GAD2: variants seen among roughly 807,000 people sequenced by gnomAD.
GAD2 encodes the protein 65 kDa glutamic acid decarboxylase.
Under a neutral mutation model 80.1 loss-of-function variants are expected in GAD2, and 22 were observed. The observed-to-expected ratio is 0.27, with a 90% confidence interval of 0.20 to 0.39. The LOEUF (loss-of-function observed/expected upper bound fraction) is 0.39. Ranked by LOEUF, GAD2 falls within the 10% of genes least tolerant of loss-of-function variation. The pLI is 1.00. For missense variants in GAD2, 624 were observed against 738.4 expected (o/e 0.85, Z 1.80); for synonymous variants, 274 against 256.9 (o/e 1.07, Z -0.64).
chr10:26,222,644 G>T (rs1844467827), intron 4 of GAD2, among the ~76,000 whole-genome samples: 1 of 152,186 alleles, frequency 6.6e-6, no homozygotes, highest in Non-Finnish European at 1.5e-5. Flanking sequence ...AAACAATGCT[G>T]GAGAATGTAC....
chr10:26,284,762 G>A (rs1845312381), intron 12 of GAD2, among the ~76,000 whole-genome samples: 1 of 151,816 alleles, frequency 6.6e-6, no homozygotes, highest in South Asian at 2.1e-4. Flanking sequence ...GTAGAGATGG[G>A]GTTTCACCGT....
intron 15 of GAD2, among the ~76,000 whole-genome samples, chr10:26,300,186 T>A (rs760834301): frequency 3.9e-5 from 6 of 152,352 alleles, no homozygotes; most frequent in Non-Finnish European, 8.8e-5. Flanking sequence ...CTATCCTGTC[T>A]GTGATATGAA....
chr10:26,242,603 C>T (rs1174639738), intron 7 of GAD2, among the ~76,000 whole-genome samples: 1 of 152,138 alleles, frequency 6.6e-6, no homozygotes, highest in Non-Finnish European at 1.5e-5. Context: ...TATTTCTCTG[C>T]TCCCTTTCCT....
At chr10:26,240,430 A>G (rs1040678918) in intron 7 of GAD2, among the ~76,000 whole-genome samples, 2 of 152,206 alleles carry the variant, frequency 1.3e-5, no homozygotes, top group African/African-American at 2.4e-5. Flanking sequence ...AAGCTGAATC[A>G]TGTAACCTGT....
intron 8 of GAD2, among the ~76,000 whole-genome samples, chr10:26,253,975 G>A (rs978890011): frequency 2.0e-5 from 3 of 152,180 alleles, no homozygotes; most frequent in Non-Finnish European, 4.4e-5. Flanking sequence ...GGATGAAACT[G>A]TTCCACCTCA....
At chr10:26,256,058 T>C (rs1473525573) in intron 8 of GAD2, among the ~76,000 whole-genome samples, 2 of 152,160 alleles carry the variant, frequency 1.3e-5, no homozygotes, top group Non-Finnish European at 2.9e-5. Flanking sequence ...ATTATTAAAA[T>C]AATTTCAAAT....
rs1031660811 is a variant in GAD2 at position 26,224,757 on chromosome 10, A to C, written c.724+106A>C. The C allele has an allele frequency of 9.3e-6, 7 of 750,670 alleles. No homozygotes were observed. The African/African-American group carries it at 1.2e-4, about 13-fold the overall frequency. The allele number at this position is 750,670 out of a possible 1,614,324, so 46.5% of individuals were successfully genotyped here. ...CTAGCCTATGCCTCTGCTTAGGTTA[A>C]ATAGACTGTGTGTTGATCAAAAGAA... On this transcript the variant is annotated intron_variant, in intron 6 of 15. Transcript: ENST00000376261.
In GAD2 at chr10:26,219,276, G is replaced by T; in HGVS notation, c.520G>T (p.Gly174Trp). 6.6e-7 allele frequency: 1 copy of T among 1,522,208 alleles called. No individual in the cohort carries two copies. Among genetic ancestry groups the T allele is most frequent in the Non-Finnish European group, 9.0e-7 (1 of 1,115,140 alleles). The allele number at this position is 1,522,208 out of a possible 1,614,324, so 94.3% of individuals were successfully genotyped here. The change falls in exon 4 of 16, where the codon GGG becomes TGG. Residue 174 changes from glycine to tryptophan, a missense_variant and splice_region_variant. By Grantham distance (184) the Gly-to-Trp change is radical. Transcript: ENST00000376261. ...QTTLKYAIKTGHPRYFNQLST... is the reference protein window; with the variant it reads ...QTTLKYAIKTWHPRYFNQLST... ...AACTCTAAAATATGCAATTAAAACA[G>T]GTATTGTCTCATCGAAAATAATAAA...
rs567533529 is a variant in GAD2 at position 26,236,750 on chromosome 10, C to T, written c.840+6973C>T. Among the ~76,000 whole-genome samples the T allele has an allele frequency of 9.2e-5, 14 of 152,234 alleles. No individual in the cohort carries two copies. The East Asian group carries it at 1.2e-3, about 13-fold the overall frequency. On this transcript the variant is annotated intron_variant, in intron 7 of 15. Coordinates refer to ENST00000376261, the MANE Select transcript of GAD2 (RefSeq NM_001134366.2). ...GATGACTTCCACAAAATGTATTGCT[C>T]CCCCCTTAGTCGGAACTGACAGTGA...
chr10:26,217,971 A>G lies in GAD2; in HGVS notation c.266A>G (p.Tyr89Cys), dbSNP rs1195701712. The G allele has an allele frequency of 3.7e-6, 6 of 1,610,940 alleles. No homozygotes were observed. The South Asian group carries it at 6.6e-5, about 18-fold the overall frequency. ...PCSCSKVDVN[Y>C]AFLHATDLLP... Reference sequence around the variant, plus strand: ...AGCTGCTCCAAAGTGGATGTCAACTACGCGTTTCTCCATGCAACAGGTAAA... The same window carrying G: ...AGCTGCTCCAAAGTGGATGTCAACTGCGCGTTTCTCCATGCAACAGGTAAA... Residue 89 changes from tyrosine to cysteine, a missense_variant, in exon 3 of 16, where the codon TAC becomes TGC. Physicochemically the swap from Tyr to Cys is radical, Grantham distance 194 (BLOSUM62 -2). Coordinates refer to ENST00000376261, the MANE Select transcript of GAD2 (RefSeq NM_001134366.2). This position sits in a 1 kb window ranked among gnomAD's most constrained non-coding sequence, Gnocchi z 4.9.
intron 9 of GAD2, 73 bp downstream of exon 9, chr10:26,269,246 G>A (rs1420409815): frequency 1.5e-6 from 2 of 1,313,446 alleles, no homozygotes; most frequent in Non-Finnish European, 2.1e-6. Context: ...ATGTGTTTTG[G>A]TTTTATTTTA....
intron 13 of GAD2, among the ~76,000 whole-genome samples, chr10:26,289,649 T>C (rs1460939330): frequency 1.3e-5 from 2 of 151,682 alleles, no homozygotes; most frequent in African/African-American, 2.4e-5. Context: ...TCTTACGGAG[T>C]TGGCCTTTCA....
intron 15 of GAD2, among the ~76,000 whole-genome samples, chr10:26,295,504 G>GTATA (rs1834263887): frequency 2.7e-5 from 2 of 74,584 alleles, no homozygotes; most frequent in Non-Finnish European, 4.7e-5. Flanking sequence ...ATATTCATAC[G>GTATA]CATGCACACA....
chr10:26,294,397 C>T (rs1438390491), intron 15 of GAD2, among the ~76,000 whole-genome samples: 1 of 152,236 alleles, frequency 6.6e-6, no homozygotes. Flanking sequence ...CGGGAGGAAA[C>T]TTCCATATGG....
At chr10:26,270,542 G>A (rs759850642) in intron 9 of GAD2, 98 bp from the exon 10 acceptor site, 332 of 855,662 alleles carry the variant, frequency 3.9e-4, no homozygotes, top group Non-Finnish European at 5.7e-4. Context: ...AAATTCAGAC[G>A]TGTCTGTTAG....
intron 8 of GAD2, among the ~76,000 whole-genome samples, chr10:26,259,079 A>C (rs1012250311): frequency 1.3e-5 from 2 of 152,104 alleles, no homozygotes; most frequent in Non-Finnish European, 2.9e-5. Context: ...CAGCCTCCCA[A>C]AGTGCTGGGA....
In GAD2 at chr10:26,303,454, G is replaced by A. The variant is rs1353352925; in HGVS notation, c.*2493G>A. 7.8e-6 allele frequency: 1 copy of A among 127,996 alleles called. No individual in the cohort carries two copies. Among genetic ancestry groups the A allele is most frequent in the Non-Finnish European group, 1.6e-5 (1 of 62,844 alleles). 7.9% of individuals were successfully genotyped at this position (127,996 alleles called of 1,614,324 possible). On this transcript the variant is annotated 3_prime_UTR_variant, in exon 16 of 16. Transcript: ENST00000376261. ...AGAGAGTAAGGGAGGAAGGGAGGGA[G>A]GGAGGGAGGGAGGGAAGGAGGGAGG... is the stretch of plus-strand genomic sequence containing the variant.
chr10:26,227,976 T>C (rs1844550983), intron 6 of GAD2, among the ~76,000 whole-genome samples: 2 of 152,252 alleles, frequency 1.3e-5, no homozygotes, highest in Non-Finnish European at 2.9e-5. Context: ...GGCAGCCTGC[T>C]TGAATCAGAG....
intron 8 of GAD2, among the ~76,000 whole-genome samples, chr10:26,249,610 C>A (rs1427897278): frequency 6.6e-6 from 1 of 151,882 alleles, no homozygotes; most frequent in Non-Finnish European, 1.5e-5. Context: ...AGGTGACTGG[C>A]AGAGCAGTAG....
Sources: gnomAD v4.1 joint callset for allele counts (sites outside exome capture counted in the v4.1 genomes callset) on GRCh38, gnomAD v4.1.1 for gene constraint, Gnocchi (gnomAD v3.1) non-coding constraint, MANE v1.5 for transcripts, NCBI Gene and HGNC (gene_info 2026-07-23, HGNC 2026-07-21) for gene names.